SMURF1: variants seen among roughly 807,000 people sequenced by gnomAD.
The protein encoded by SMURF1 is E3 ubiquitin-protein ligase SMURF1.
A neutral mutation model predicts 98.0 loss-of-function variants in SMURF1; 44 were observed. That is an observed-to-expected ratio of 0.45 (90% confidence interval 0.35 to 0.58). The LOEUF (loss-of-function observed/expected upper bound fraction) is 0.58. SMURF1 is among the 20% of genes least tolerant of loss of function. The pLI, the probability that SMURF1 is intolerant of heterozygous loss-of-function variation, is 0.00. For synonymous variants in SMURF1, 396 were observed against 374.9 expected (o/e 1.06, Z -0.65); for missense variants, 687 against 938.4 (o/e 0.73, Z 3.50).
At chr7:99,122,675 G>A (rs1373531261) in intron 1 of SMURF1, among the ~76,000 whole-genome samples, 1 of 143,962 alleles carries the variant, frequency 6.9e-6, no homozygotes, top group Non-Finnish European at 1.5e-5. Flanking sequence ...TAGTGTCCTT[G>A]ACCGCACTAC....
In SMURF1 at chr7:99,073,360, C is replaced by T. The variant is rs147879387; in HGVS notation, c.56-11523G>A. Reference sequence around the variant, plus strand: ...CGCAACTGCACTCCAGCCTGGGCAACGAGTGAGACTCCATCTCAAAAAAAA... The same window carrying T: ...CGCAACTGCACTCCAGCCTGGGCAATGAGTGAGACTCCATCTCAAAAAAAA... On this transcript the variant is annotated intron_variant, in intron 1 of 17. Transcript: ENST00000361368. Among the ~76,000 whole-genome samples the T allele has an allele frequency of 2.9e-4, 42 of 142,946 alleles. No homozygotes were observed. The East Asian group carries it at 7.9e-3, about 27-fold the overall frequency. The allele number at this position is 142,946 out of a possible 152,430, so 93.8% of individuals were successfully genotyped here.
rs1470988726 is a variant in SMURF1, at chr7:99,035,389, G to A, written c.2011+126C>T. The A allele has an allele frequency of 5.3e-6, 6 of 1,133,252 alleles. No individual in the cohort carries two copies. In the East Asian group the frequency reaches 7.7e-5, roughly 15 times the overall value. 70.2% of individuals were successfully genotyped at this position (1,133,252 alleles called of 1,614,324 possible). On this transcript the variant is annotated intron_variant, in intron 16 of 17. Coordinates refer to ENST00000361368, the MANE Select transcript of SMURF1 (RefSeq NM_181349.3). ...TCTGTAGGGCAGAGCATTAGCTACT[G>A]GAGAACATTCCTTATGCCATTTTCT...
intron 1 of SMURF1, among the ~76,000 whole-genome samples, chr7:99,143,266 T>TG (rs1221914869): frequency 1.0e-4 from 1 of 9,954 alleles, no homozygotes; most frequent in Non-Finnish European, 2.0e-4. Flanking sequence ...GGGCGGGGCC[T>TG]GGGGGGAGAA....
intron 1 of SMURF1, among the ~76,000 whole-genome samples, chr7:99,134,147 C>T (rs1375512713): frequency 1.4e-5 from 2 of 143,614 alleles, no homozygotes; most frequent in East Asian, 2.0e-4. Flanking sequence ...TAAGGCTAAA[C>T]GTGCCTTATT....
At chr7:99,044,018 C>T (rs564258401) in intron 11 of SMURF1, among the ~76,000 whole-genome samples, 1 of 152,272 alleles carries the variant, frequency 6.6e-6, no homozygotes, top group African/African-American at 2.4e-5. Flanking sequence ...TGTAACCATC[C>T]TGGAGGACTT....
At chr7:99,050,773 G>T in intron 8 of SMURF1, 1 of 645,152 alleles carries the variant, frequency 1.6e-6, no homozygotes, top group Non-Finnish European at 2.6e-6. Flanking sequence ...TTTATTCTCA[G>T]ATGAAACAAA....
chr7:99,073,618 T>A (rs1162324377), intron 1 of SMURF1, among the ~76,000 whole-genome samples: 2 of 151,846 alleles, frequency 1.3e-5, no homozygotes, highest in African/African-American at 4.8e-5. Context: ...TATAAAGAAT[T>A]AGCTGGGTAT....
At chr7:99,075,734 G>T (rs1796440057) in intron 1 of SMURF1, among the ~76,000 whole-genome samples, 1 of 152,092 alleles carries the variant, frequency 6.6e-6, no homozygotes, top group South Asian at 2.1e-4. Flanking sequence ...TGTGAGGTAA[G>T]GGTTGAGACT....
At chr7:99,138,207 A>T (rs1156708142) in intron 1 of SMURF1, among the ~76,000 whole-genome samples, 1 of 152,228 alleles carries the variant, frequency 6.6e-6, no homozygotes, top group Admixed American at 6.5e-5. Flanking sequence ...CCTAAAAGTT[A>T]GCTGTCTTAC....
intron 1 of SMURF1, among the ~76,000 whole-genome samples, chr7:99,095,384 T>C (rs981621336): frequency 2.0e-5 from 3 of 152,260 alleles, no homozygotes; most frequent in Admixed American, 6.5e-5. Context: ...GCGGACTGTT[T>C]TTTTGTATAT....
chr7:99,091,535 G>T (rs1194780383), intron 1 of SMURF1, among the ~76,000 whole-genome samples: 5 of 152,146 alleles, frequency 3.3e-5, no homozygotes, highest in African/African-American at 1.2e-4. Flanking sequence ...GGGAAGGTGT[G>T]GACAGCTAGA....
intron 1 of SMURF1, among the ~76,000 whole-genome samples, chr7:99,122,639 G>A (rs1451871953): frequency 4.9e-5 from 4 of 81,904 alleles, no homozygotes; most frequent in African/African-American, 1.3e-4. Context: ...GCGAGATTCC[G>A]TGTCAAAAAA....
chr7:99,037,974 TGCAAGTGCCTAGGCC>T (rs1025959944), intron 14 of SMURF1, among the ~76,000 whole-genome samples: 27 of 149,692 alleles, frequency 1.8e-4, no homozygotes, highest in East Asian at 1.2e-3. Flanking sequence ...AGTTCTCAGC[TGCAAGTGCCTAGGCC>T]GCAAGTGCCT....
intron 1 of SMURF1, among the ~76,000 whole-genome samples, chr7:99,104,442 C>A (rs1797152587): frequency 6.6e-6 from 1 of 152,168 alleles, no homozygotes; most frequent in South Asian, 2.1e-4. Context: ...GCCTCACTCC[C>A]AGGTTGAAAC....
chr7:99,105,824 C>T (rs538881962), intron 1 of SMURF1, among the ~76,000 whole-genome samples: 2 of 152,314 alleles, frequency 1.3e-5, no homozygotes, highest in Admixed American at 6.5e-5. Context: ...TATCGCCTAT[C>T]CCACTAAGAC....
chr7:99,034,506 TC>T (rs1297991874), intron 16 of SMURF1, among the ~76,000 whole-genome samples: 1 of 152,066 alleles, frequency 6.6e-6, no homozygotes, highest in Non-Finnish European at 1.5e-5. Flanking sequence ...CTGTTTTTTT[TC>T]CTCGGGGGGA....
chr7:99,128,890 C>T (rs1350480055), intron 1 of SMURF1, among the ~76,000 whole-genome samples: 1 of 152,128 alleles, frequency 6.6e-6, no homozygotes, highest in African/African-American at 2.4e-5. Flanking sequence ...AGTTGCCAAG[C>T]CAATCTTAGG....
At chr7:99,140,184 T>C (rs1277604193) in intron 1 of SMURF1, among the ~76,000 whole-genome samples, 1 of 152,032 alleles carries the variant, frequency 6.6e-6, no homozygotes, top group Non-Finnish European at 1.5e-5. Context: ...GAGAAATCTG[T>C]CTAGAATCTA....
chr7:99,138,248 A>T (rs1231043202), intron 1 of SMURF1, among the ~76,000 whole-genome samples: 1 of 152,240 alleles, frequency 6.6e-6, no homozygotes, highest in Non-Finnish European at 1.5e-5. Flanking sequence ...GAAGATATCA[A>T]GTTATTTCAT....
Sources: allele counts gnomAD v4.1 joint callset (sites outside exome capture counted in the v4.1 genomes callset), GRCh38; gene constraint gnomAD v4.1.1; transcripts MANE v1.5; gene names NCBI Gene and HGNC (gene_info 2026-07-23, HGNC 2026-07-21).